Variants in OSER1 observed in about 807,000 individuals in gnomAD.
The protein encoded by OSER1 is oxidative stress responsive serine rich 1, also known as oxidative stress-responsive serine-rich protein 1.
Under a neutral mutation model 26.3 loss-of-function variants are expected in OSER1, and 15 were observed. The observed-to-expected ratio is 0.57, with a 90% CI of 0.38 to 0.88. The LOEUF (loss-of-function observed/expected upper bound fraction) is 0.88. Among genes scored for constraint, OSER1 ranks in the 40% least tolerant of loss-of-function variants. The probability of loss-of-function intolerance (pLI) is 0.00; values close to 1 mark genes in which losing one functional copy is unlikely to be tolerated. For missense variants in OSER1, 313 were observed against 353.9 expected (o/e 0.88, Z 0.93); for synonymous variants, 127 against 128.2 (o/e 0.99, Z 0.07).
intron 1 of OSER1, among the ~76,000 whole-genome samples, chr20:44,208,117 C>A (rs1178979491): frequency 7.4e-6 from 1 of 135,246 alleles, no homozygotes; most frequent in Non-Finnish European, 1.6e-5. Context: ...CGCCCCCCCC[C>A]GCCCCCACCC....
rs2072919600 is a variant in OSER1, at chr20:44,196,357, GT to G, written c.*694del. 1 of 150,078 alleles carries G rather than the reference GT, an allele frequency of 6.7e-6. No homozygotes were observed. The highest frequency in any genetic ancestry group is 2.4e-5 in the African/African-American group (1 of 40,824). The allele number at this position is 150,078 out of a possible 1,614,324, so 9.3% of individuals were successfully genotyped here. ...CTGGAGATGGTGAAGACACACACTCGTTTCAAATATTACACCCCCTCCCTCC... is the reference window on the plus strand; with the variant it reads ...CTGGAGATGGTGAAGACACACACTCGTTCAAATATTACACCCCCTCCCTCC... On this transcript the variant is annotated 3_prime_UTR_variant, in exon 4 of 4. Transcript: ENST00000255174.
chr20:44,197,544 G>C lies in OSER1; in HGVS notation c.387C>G (p.Phe129Leu). ...GAGAAGTAGAGCTTTCTCCTGCACTGAACTCTTTAGGGGATGAAATTCCCA... is the reference window on the plus strand; with the variant it reads ...GAGAAGTAGAGCTTTCTCCTGCACTCAACTCTTTAGGGGATGAAATTCCCA... ...SGLGISSPKE[F>L]SAGESSTSLD... is the part of the protein sequence containing the mutation. Residue 129 changes from phenylalanine to leucine, a missense_variant, in exon 4 of 4, where the codon TTC becomes TTG. Transcript: ENST00000255174. 1 of 1,614,100 alleles carries C rather than the reference G, an allele frequency of 6.2e-7. No individual in the cohort carries two copies. Among genetic ancestry groups the C allele is most frequent in the Non-Finnish European group, 8.5e-7 (1 of 1,179,980 alleles).
At chr20:44,198,821 A>T (rs2072951102) in intron 3 of OSER1, among the ~76,000 whole-genome samples, 1 of 152,154 alleles carries the variant, frequency 6.6e-6, no homozygotes, top group Admixed American at 6.5e-5. Context: ...ATGGTCTGAA[A>T]ATATTAAATA....
intron 1 of OSER1, among the ~76,000 whole-genome samples, chr20:44,208,570 AG>A (rs1479773811): frequency 2.0e-5 from 3 of 152,192 alleles, no homozygotes; most frequent in African/African-American, 7.2e-5. Context: ...ATGCTTCACT[AG>A]TCTCTAATTC....
chr20:44,202,288 C>T lies in OSER1; in HGVS notation c.191+673G>A, dbSNP rs199585036. Among the ~76,000 whole-genome samples, 48 of 152,150 alleles carry T rather than the reference C, an allele frequency of 3.2e-4. 1 individual carries two copies. In the East Asian group the frequency reaches 8.0e-3, roughly 25 times the overall value. On this transcript the variant is annotated intron_variant, in intron 3 of 3. Transcript: ENST00000255174. ...AGGTACCTGGGAGGCCAAGGCAGAA[C>T]TGCTTAAACCGGGGAGGCGGAGGGT...
chr20:44,206,767 A>T (rs1026172955), intron 2 of OSER1, 114 bp downstream of exon 2: 1 of 591,208 alleles, frequency 1.7e-6, no homozygotes, highest in Admixed American at 2.7e-5. Context: ...ATTAGCATTT[A>T]TATCTTCTTT....
At chr20:44,211,559 G>C (rs1228197516), upstream of OSER1, among the ~76,000 whole-genome samples, 3 of 152,130 alleles carry the variant, frequency 2.0e-5, no homozygotes, top group African/African-American at 7.2e-5. Context: ...TTGAGAATCT[G>C]GTGAGAACTG....
chr20:44,196,853 C>A lies in OSER1; in HGVS notation c.*199G>T. ...GGGGGATTTTTCTTTGATCTGCTCG[C>A]CTTGAAGTGTATGTAAGAACTCAAG... On this transcript the variant is annotated 3_prime_UTR_variant, in exon 4 of 4. Coordinates refer to ENST00000255174, the MANE Select transcript of OSER1 (RefSeq NM_016470.8). 1 of 541,614 alleles carries A rather than the reference C, an allele frequency of 1.8e-6. No homozygotes were observed. Among genetic ancestry groups the A allele is most frequent in the Non-Finnish European group, 3.3e-6 (1 of 302,536 alleles). 33.6% of individuals were successfully genotyped at this position (541,614 alleles called of 1,614,324 possible).
chr20:44,211,345 A>T (rs1388832802), upstream of OSER1: 1 of 152,256 alleles, frequency 6.6e-6, no homozygotes, highest in Non-Finnish European at 1.5e-5. Context: ...GGTCCTGCAG[A>T]GAAGTGAAGA....
intron 2 of OSER1, among the ~76,000 whole-genome samples, chr20:44,204,656 C>A (rs1001074620): frequency 6.6e-6 from 1 of 152,170 alleles, no homozygotes; most frequent in Non-Finnish European, 1.5e-5. Flanking sequence ...CCTGCCCTCC[C>A]CACGCCAGTA....
Position 44,197,644 on chromosome 20 carries a change from C to T in OSER1, c.287G>A (p.Ser96Asn). The change falls in exon 4 of 4, where the codon AGT becomes AAT. Residue 96 changes from serine to asparagine, a missense_variant. By Grantham distance (46) the Ser-to-Asn change is conservative. This residue lies in a region of OSER1 where 300 missense variants were observed against 318.3 expected (regional missense o/e 0.94). Transcript: ENST00000255174. ...VLHPPKFIHC[S>N]TIASSSSSQL... ...ACTGCTGGAAGAAGACGCTATTGTA[C>T]TGCAATGTATAAACTTTGGAGGATG... 1.2e-6 allele frequency: 2 copies of T among 1,613,894 alleles called. No individual in the cohort carries two copies. Among genetic ancestry groups the T allele is most frequent in the Non-Finnish European group, 1.7e-6 (2 of 1,179,796 alleles).
At chr20:44,206,830 T>A in intron 2 of OSER1, 51 bp downstream of exon 2, 1 of 798,988 alleles carries the variant, frequency 1.3e-6, no homozygotes, top group Non-Finnish European at 2.2e-6. Context: ...AAGGGACTAT[T>A]TAAAATAAGT....
chr20:44,196,224 G>C lies in OSER1; in HGVS notation c.*828C>G, dbSNP rs911564824. On this transcript the variant is annotated 3_prime_UTR_variant, in exon 4 of 4. Transcript: ENST00000255174. ...CTCTTTTAGGGTTGCTGGGGTGACA[G>C]GGCAGCTCAAAGAGGTAACCATCTA... 4.6e-5 allele frequency among the ~76,000 whole-genome samples: 7 copies of C among 151,210 alleles called. No individual in the cohort carries two copies. The highest frequency in any genetic ancestry group is 4.6e-4 in the Admixed American group (7 of 15,178).
At chr20:44,207,752 CAG>C (rs1270361510) in intron 1 of OSER1, among the ~76,000 whole-genome samples, 2 of 152,026 alleles carry the variant, frequency 1.3e-5, no homozygotes, top group East Asian at 1.9e-4. Context: ...AGAAAAAAAA[CAG>C]AAATGACTAT....
chr20:44,204,370 T>C (rs1233897577), intron 2 of OSER1, among the ~76,000 whole-genome samples: 1 of 152,162 alleles, frequency 6.6e-6, no homozygotes, highest in Non-Finnish European at 1.5e-5. Context: ...ACTACACAAG[T>C]CTTATTCTGC....
rs1321778620 is a variant in OSER1 at position 44,196,371 on chromosome 20, ACCC to A, written c.*678_*680del. On this transcript the variant is annotated 3_prime_UTR_variant, in exon 4 of 4. Transcript: ENST00000255174. ...GACACACACTCGTTTCAAATATTAC[ACCC>A]CCTCCCTCCAACTGAAGCAGCCCAT... The A allele has an allele frequency of 6.6e-6, 1 of 151,360 alleles. No individual in the cohort carries two copies. The highest frequency in any genetic ancestry group is 1.9e-4 in the East Asian group (1 of 5,170). 9.4% of individuals were successfully genotyped at this position (151,360 alleles called of 1,614,324 possible).
chr20:44,210,297 GA>G (rs2073087618), intron 1 of OSER1, among the ~76,000 whole-genome samples: 1 of 152,210 alleles, frequency 6.6e-6, no homozygotes, highest in Non-Finnish European at 1.5e-5. Flanking sequence ...AGGCACAAGG[GA>G]TGCGGGAGAA....
chr20:44,206,829 T>C (rs1450672356), intron 2 of OSER1, 52 bp downstream of exon 2: 3 of 796,830 alleles, frequency 3.8e-6, no homozygotes, highest in Non-Finnish European at 2.2e-6. Flanking sequence ...AAAGGGACTA[T>C]TTAAAATAAG....
chr20:44,206,982 C>G lies in OSER1; in HGVS notation c.-25G>C. Reference sequence around the variant, plus strand: ...TTGTGCAAGTTTTTACACTACTTATCGATGTTCCTGTTTACACTAAAAAAG... The same window carrying G: ...TTGTGCAAGTTTTTACACTACTTATGGATGTTCCTGTTTACACTAAAAAAG... On this transcript the variant is annotated 5_prime_UTR_variant, in exon 2 of 4. Coordinates refer to ENST00000255174, the MANE Select transcript of OSER1 (RefSeq NM_016470.8). 6.4e-7 allele frequency: 1 copy of G among 1,572,644 alleles called. No homozygotes were observed. Among genetic ancestry groups the G allele is most frequent in the Non-Finnish European group, 8.7e-7 (1 of 1,144,366 alleles).
Sources: allele counts gnomAD v4.1 joint callset (sites outside exome capture counted in the v4.1 genomes callset), GRCh38; gene constraint gnomAD v4.1.1; regional missense constraint gnomAD v4.1.1; transcripts MANE v1.5; gene names NCBI Gene and HGNC (gene_info 2026-07-23, HGNC 2026-07-21).